The following WDFY3 variants were observed in gnomAD, a reference collection of about 807,000 sequenced individuals.
WDFY3 encodes the protein WD repeat and FYVE domain containing 3.
A neutral mutation model predicts 409.6 loss-of-function variants in WDFY3; 66 were observed. The observed-to-expected ratio is 0.16, with a 90% CI of 0.13 to 0.20. The LOEUF (loss-of-function observed/expected upper bound fraction) is 0.20. Ranked by LOEUF, WDFY3 falls within the 10% of genes least tolerant of loss-of-function variation. The pLI is 1.00. For synonymous variants in WDFY3, 1,521 were observed against 1,537.1 expected (o/e 0.99, Z 0.25); for missense variants, 3,031 against 4,298.1 (o/e 0.71, Z 8.24).
chr4:84,824,261 A>G (rs766751546), intron 10 of WDFY3, among the ~76,000 whole-genome samples: 1 of 152,182 alleles, frequency 6.6e-6, no homozygotes, highest in Non-Finnish European at 1.5e-5. Flanking sequence ...CTTAAGAGAG[A>G]GCACACATTT....
chr4:84,704,551 A>C (rs1278590592), intron 54 of WDFY3, 107 bp from the exon 55 acceptor site: 2 of 758,614 alleles, frequency 2.6e-6, no homozygotes, highest in Non-Finnish European at 4.1e-6. Flanking sequence ...TAACTGTAAC[A>C]CTAAATGCAA....
chr4:84,872,041 A>T (rs1342923846), intron 3 of WDFY3, among the ~76,000 whole-genome samples: 1 of 152,224 alleles, frequency 6.6e-6, no homozygotes, highest in African/African-American at 2.4e-5. Context: ...GAGCAATATC[A>T]CAAGGGAGAG....
chr4:84,798,913 A>G (rs938794000), intron 17 of WDFY3, among the ~76,000 whole-genome samples: 3 of 152,140 alleles, frequency 2.0e-5, no homozygotes, highest in African/African-American at 7.2e-5. Flanking sequence ...AACACAAAAC[A>G]GCTAGCATTC....
intron 30 of WDFY3, among the ~76,000 whole-genome samples, chr4:84,768,651 C>T (rs572191211): frequency 5.3e-5 from 8 of 152,194 alleles, no homozygotes; most frequent in Non-Finnish European, 1.2e-4. Context: ...TACCAGCTCA[C>T]TGACAATGCA....
At position 84,737,222 on chromosome 4, in the gene WDFY3, A is replaced by G; in HGVS notation, c.6719T>C (p.Ile2240Thr). 4 of 1,614,144 alleles carry G rather than the reference A, an allele frequency of 2.5e-6. No individual in the cohort carries two copies. Among genetic ancestry groups the G allele is most frequent in the South Asian group, 1.1e-5 (1 of 91,088 alleles). Residue 2240 changes from isoleucine to threonine, a missense_variant, in exon 41 of 68, where the codon ATT becomes ACT. Around this residue, in one of 16 missense-constraint regions of WDFY3, gnomAD observed 314 missense variants for 397.4 expected, o/e 0.79. Coordinates refer to ENST00000295888, the MANE Select transcript of WDFY3 (RefSeq NM_014991.6). ...CCAGCACTTCAGGGCAGCTTCTTCAATGAGTGGCCTTGCTGTAGCTATGTC... is the reference window on the plus strand; with the variant it reads ...CCAGCACTTCAGGGCAGCTTCTTCAGTGAGTGGCCTTGCTGTAGCTATGTC... ...HVDIATARPL[I>T]EEAALKCWQN...
intron 2 of WDFY3, among the ~76,000 whole-genome samples, chr4:84,929,637 T>C (rs533998905): frequency 3.9e-5 from 6 of 152,112 alleles, no homozygotes; most frequent in African/African-American, 1.4e-4. Flanking sequence ...GGACCGGGCG[T>C]GGTGGCTCAC....
chr4:84,880,706 TATATATATATATATATATATG>T (rs1269900451), intron 3 of WDFY3, among the ~76,000 whole-genome samples: 6 of 110,814 alleles, frequency 5.4e-5, no homozygotes, highest in Non-Finnish European at 9.0e-5. Flanking sequence ...TATATATATA[TATATATATATATATATATATG>T]TTTTTTTGGA....
intron 30 of WDFY3, 54 bp downstream of exon 30, chr4:84,772,781 A>C (rs1431635446): frequency 4.9e-6 from 7 of 1,427,804 alleles, no homozygotes; most frequent in Non-Finnish European, 6.8e-6. Flanking sequence ...CAGAAGAAAA[A>C]AGGCATAATA....
At chr4:84,755,795 TTTA>T (rs1469200391) in intron 33 of WDFY3, among the ~76,000 whole-genome samples, 1 of 152,196 alleles carries the variant, frequency 6.6e-6, no homozygotes, top group African/African-American at 2.4e-5. Flanking sequence ...GTATTTTAAT[TTTA>T]GATTACTTAC....
intron 49 of WDFY3, 92 bp downstream of exon 49, chr4:84,716,804 A>C: frequency 2.7e-6 from 3 of 1,108,280 alleles, no homozygotes; most frequent in South Asian, 3.4e-5. Flanking sequence ...GTCTCAAAAA[A>C]TAAAAATAAA....
chr4:84,677,928 C>T lies in WDFY3; in HGVS notation c.10259+240G>A, dbSNP rs995257532. Among the ~76,000 whole-genome samples the T allele has an allele frequency of 7.0e-5, 9 of 127,812 alleles. No homozygotes were observed. The South Asian group carries it at 7.7e-4, about 11-fold the overall frequency. 83.8% of individuals were successfully genotyped at this position (127,812 alleles called of 152,430 possible). A position where few individuals can be genotyped will look rare whatever the true frequency, so the allele number is the denominator to read the frequency against. ...CAGTGAGCTGTGATTGTGCCCCTGA[C>T]TCTAGCCTAAGTGACAGAACAAGAC... On this transcript the variant is annotated intron_variant, in intron 66 of 67. Coordinates refer to ENST00000295888, the MANE Select transcript of WDFY3 (RefSeq NM_014991.6).
chr4:84,833,887 G>A (rs150206317), intron 7 of WDFY3, among the ~76,000 whole-genome samples: 2,588 of 151,772 alleles, frequency 0.017, 35 homozygotes, highest in Non-Finnish European at 0.022. Context: ...TATCAGAAAG[G>A]AAAAAAAGGT....
At chr4:84,888,974 C>T (rs1267726800) in intron 3 of WDFY3, among the ~76,000 whole-genome samples, 1 of 152,054 alleles carries the variant, frequency 6.6e-6, no homozygotes, top group Non-Finnish European at 1.5e-5. Context: ...CCTGTAAACA[C>T]TGATTTTATG....
At chr4:84,678,893 G>C in intron 65 of WDFY3, 26 bp downstream of exon 65, 2 of 1,591,420 alleles carry the variant, frequency 1.3e-6, no homozygotes, top group Non-Finnish European at 1.7e-6. Flanking sequence ...TAAGGAGTGA[G>C]AAATAGATAC....
At chr4:84,699,273 C>T (rs1026528059) in intron 56 of WDFY3, among the ~76,000 whole-genome samples, 1 of 152,122 alleles carries the variant, frequency 6.6e-6, no homozygotes, top group Non-Finnish European at 1.5e-5. Context: ...TGTGGACTTA[C>T]CTATTCTGAG....
At chr4:84,850,373 T>A (rs1171489486) in intron 4 of WDFY3, among the ~76,000 whole-genome samples, 1 of 152,030 alleles carries the variant, frequency 6.6e-6, no homozygotes, top group South Asian at 2.1e-4. Flanking sequence ...GGCTGGAGTG[T>A]AGTGGCACGA....
chr4:84,757,173 G>C lies in WDFY3; in HGVS notation c.5189-12C>G. On this transcript the variant is annotated splice_polypyrimidine_tract_variant and intron_variant, in intron 32 of 67. Transcript: ENST00000295888. ...GCCCACGTTGAATCCTAAGAGAAGAGGAATATAACAGTAAGTGCAAAATCA... is the reference window on the plus strand; with the variant it reads ...GCCCACGTTGAATCCTAAGAGAAGACGAATATAACAGTAAGTGCAAAATCA... 2 of 1,605,896 alleles carry C rather than the reference G, an allele frequency of 1.2e-6. No individual in the cohort carries two copies. The highest frequency in any genetic ancestry group is 1.7e-5 in the Admixed American group (1 of 59,842).
At chr4:84,712,121 T>A (rs1191144865) in intron 51 of WDFY3, among the ~76,000 whole-genome samples, 1 of 151,724 alleles carries the variant, frequency 6.6e-6, no homozygotes, top group Non-Finnish European at 1.5e-5. Context: ...GCCAGGAGTT[T>A]GAGACCACCC....
At chr4:84,940,731 T>C (rs1421323345) in intron 1 of WDFY3, among the ~76,000 whole-genome samples, 1 of 151,994 alleles carries the variant, frequency 6.6e-6, no homozygotes, top group Non-Finnish European at 1.5e-5. Flanking sequence ...AAAAAAAGAC[T>C]AGAAATTTCA....
Sources: allele counts gnomAD v4.1 joint callset (sites outside exome capture counted in the v4.1 genomes callset), GRCh38; gene constraint gnomAD v4.1.1; regional missense constraint gnomAD v4.1.1; transcripts MANE v1.5; gene names NCBI Gene and HGNC (gene_info 2026-07-23, HGNC 2026-07-21).